Variants in PXDNL observed in about 807,000 individuals in gnomAD.
PXDNL encodes the protein probable oxidoreductase PXDNL.
PXDNL carries 145 observed loss-of-function variants against 150.8 expected under a neutral mutation model. The observed-to-expected ratio is 0.96, with a 90% CI of 0.84 to 1.10. The LOEUF (loss-of-function observed/expected upper bound fraction) is 1.10, where lower values mean the gene tolerates loss of function less well. PXDNL is among the 50% of genes least tolerant of loss of function. The probability of loss-of-function intolerance (pLI) is 0.00; values close to 1 mark genes in which losing one functional copy is unlikely to be tolerated. For synonymous variants in PXDNL, 757 were observed against 725.7 expected, an observed-to-expected ratio of 1.04 and a Z score of -0.69; for missense variants, 2,087 against 1,873.9, an observed-to-expected ratio of 1.11 and a Z score of -2.10.
Position 51,408,585 on chromosome 8 carries a change from G to A in PXDNL, c.3039C>T (p.Thr1013=), listed in dbSNP as rs772836199. 6.2e-6 allele frequency: 10 copies of A among 1,612,548 alleles called. No individual in the cohort carries two copies. The African/African-American group carries it at 1.2e-4, about 19-fold the overall frequency. ...KIVGAELQHI[T]YSHWLPKVLG... ...GGACCTTAGGCAGCCAGTGGCTGTA[G>A]GTGATGTGCTGCAGCTCCGCGCCCA... is the stretch of plus-strand genomic sequence containing the variant. The change falls in exon 17 of 23, where the codon ACC becomes ACT. Residue 1013 remains threonine (T), a synonymous_variant. Coordinates refer to ENST00000356297, the MANE Select transcript of PXDNL (RefSeq NM_144651.5).
At position 51,492,487 on chromosome 8, in the gene PXDNL, C is replaced by T. The variant is rs557155649; in HGVS notation, c.452+7212G>A. ...CATGAGCCAAAGCTGGGCAAGGCATCACCTCACCCAGAAAGCTCAAGGGGT... is the reference window on the plus strand; with the variant it reads ...CATGAGCCAAAGCTGGGCAAGGCATTACCTCACCCAGAAAGCTCAAGGGGT... On this transcript the variant is annotated intron_variant, in intron 5 of 22. Transcript: ENST00000356297. 1.3e-4 allele frequency among the ~76,000 whole-genome samples: 20 copies of T among 152,294 alleles called. 1 individual carries two copies. Among genetic ancestry groups the T allele is most frequent in the African/African-American group, 4.1e-4 (17 of 41,554 alleles).
intron 14 of PXDNL, among the ~76,000 whole-genome samples, chr8:51,418,924 T>C (rs1808873903): frequency 6.6e-6 from 1 of 151,698 alleles, no homozygotes; most frequent in Admixed American, 6.6e-5. Context: ...AGAAGAGAAG[T>C]GGAAAAGAAG....
At chr8:51,474,838 A>G in intron 7 of PXDNL, 134 bp downstream of exon 7, 1 of 689,402 alleles carries the variant, frequency 1.5e-6, no homozygotes, top group Non-Finnish European at 2.2e-6. Flanking sequence ...AATTGGCCAT[A>G]CTTTTACCAC....
At chr8:51,542,092 C>A (rs1812228989) in intron 4 of PXDNL, among the ~76,000 whole-genome samples, 1 of 152,108 alleles carries the variant, frequency 6.6e-6, no homozygotes. Context: ...AGAACACTTA[C>A]CACCACAATA....
intron 6 of PXDNL, among the ~76,000 whole-genome samples, chr8:51,480,831 T>A (rs945163980): frequency 6.6e-6 from 1 of 152,226 alleles, no homozygotes; most frequent in African/African-American, 2.4e-5. Flanking sequence ...TCTTTCTTCA[T>A]TTTCTGCCAT....
At chr8:51,682,796 A>G (rs1411484134) in intron 1 of PXDNL, among the ~76,000 whole-genome samples, 1 of 152,070 alleles carries the variant, frequency 6.6e-6, no homozygotes, top group African/African-American at 2.4e-5. Context: ...GTGGTTCTCA[A>G]TCCAGAGGTT....
intron 20 of PXDNL, among the ~76,000 whole-genome samples, chr8:51,344,005 CTT>C (rs1416171834): frequency 1.3e-5 from 2 of 152,200 alleles, no homozygotes; most frequent in East Asian, 1.9e-4. Context: ...GCTCTTCACT[CTT>C]TGCCTCAACC....
intron 1 of PXDNL, among the ~76,000 whole-genome samples, chr8:51,772,265 T>C (rs1026735881): frequency 5.7e-5 from 8 of 139,570 alleles, no homozygotes; most frequent in East Asian, 2.4e-4. Flanking sequence ...CACACACACA[T>C]ATACAGCTGC....
At chr8:51,704,278 T>G (rs1816318120) in intron 1 of PXDNL, among the ~76,000 whole-genome samples, 1 of 152,244 alleles carries the variant, frequency 6.6e-6, no homozygotes, top group Admixed American at 6.5e-5. Context: ...TTTTAACTGA[T>G]GTTTTCAGGA....
At chr8:51,751,727 AC>A (rs1316995518) in intron 1 of PXDNL, among the ~76,000 whole-genome samples, 1 of 152,220 alleles carries the variant, frequency 6.6e-6, no homozygotes, top group Non-Finnish European at 1.5e-5. Context: ...GTGCTTTAAT[AC>A]TTTTTCTTTC....
At chr8:51,658,504 C>T (rs1047426780) in intron 1 of PXDNL, among the ~76,000 whole-genome samples, 4 of 152,104 alleles carry the variant, frequency 2.6e-5, no homozygotes, top group Non-Finnish European at 5.9e-5. Context: ...CTAGTACATT[C>T]TGGCACATAA....
At chr8:51,803,890 G>A (rs1462393184) in intron 1 of PXDNL, among the ~76,000 whole-genome samples, 2 of 152,084 alleles carry the variant, frequency 1.3e-5, no homozygotes, top group Admixed American at 1.3e-4. Flanking sequence ...TCCCTCCTGA[G>A]CTTATATATT....
At chr8:51,559,200 T>C (rs942362730) in intron 3 of PXDNL, among the ~76,000 whole-genome samples, 4 of 151,916 alleles carry the variant, frequency 2.6e-5, no homozygotes, top group Non-Finnish European at 4.4e-5. Flanking sequence ...AGGAGAACTA[T>C]AATCTTCATG....
chr8:51,717,405 G>A (rs761255062), intron 1 of PXDNL, among the ~76,000 whole-genome samples: 1 of 152,230 alleles, frequency 6.6e-6, no homozygotes, highest in Non-Finnish European at 1.5e-5. Context: ...TAGATGTCTT[G>A]CAAAAGAACT....
intron 1 of PXDNL, among the ~76,000 whole-genome samples, chr8:51,684,111 C>T (rs761873986): frequency 3.9e-5 from 6 of 152,254 alleles, no homozygotes; most frequent in East Asian, 1.9e-4. Context: ...ATCAAAGCTG[C>T]GTTTGGTTTT....
At chr8:51,672,995 G>C (rs1334171751) in intron 1 of PXDNL, among the ~76,000 whole-genome samples, 1 of 152,110 alleles carries the variant, frequency 6.6e-6, no homozygotes, top group Non-Finnish European at 1.5e-5. Context: ...GTGCAATGCA[G>C]ATAAATCATA....
intron 16 of PXDNL, among the ~76,000 whole-genome samples, chr8:51,410,267 T>A (rs2130894165): frequency 6.6e-6 from 1 of 152,314 alleles, no homozygotes; most frequent in South Asian, 2.1e-4. Flanking sequence ...GGCTTAAACT[T>A]CCAGCATTCT....
At chr8:51,361,028 C>A in intron 19 of PXDNL, among the ~76,000 whole-genome samples, 1 of 152,204 alleles carries the variant, frequency 6.6e-6, no homozygotes, top group Non-Finnish European at 1.5e-5. Flanking sequence ...TCCTCCGATG[C>A]CCAGAAGCAA....
intron 2 of PXDNL, among the ~76,000 whole-genome samples, chr8:51,615,703 C>T (rs1814115874): frequency 6.6e-6 from 1 of 152,120 alleles, no homozygotes; most frequent in African/African-American, 2.4e-5. Context: ...AAGGTAATCT[C>T]CTTAAGATAG....
Sources: allele counts gnomAD v4.1 joint callset (sites outside exome capture counted in the v4.1 genomes callset), GRCh38; gene constraint gnomAD v4.1.1; transcripts MANE v1.5; gene names NCBI Gene and HGNC (gene_info 2026-07-23, HGNC 2026-07-21).